ZC3H3: variants seen among roughly 807,000 people sequenced by gnomAD.
The protein encoded by ZC3H3 is zinc finger CCCH domain-containing protein 3.
ZC3H3 carries 36 observed loss-of-function variants against 77.3 expected under a neutral mutation model. The observed-to-expected ratio is 0.47, with a 90% CI of 0.36 to 0.61. The LOEUF is 0.61. Ranked by LOEUF, ZC3H3 falls within the 20% of genes least tolerant of loss-of-function variation. The probability of loss-of-function intolerance (pLI) is 0.00; values close to 1 mark genes in which losing one functional copy is unlikely to be tolerated. For missense variants in ZC3H3, 1,331 were observed against 1,312.2 expected, an observed-to-expected ratio of 1.01 and a Z score of -0.22; for synonymous variants, 626 against 555.2, an observed-to-expected ratio of 1.13 and a Z score of -1.79.
At chr8:143,485,078 C>T (rs1821015356) in intron 4 of ZC3H3, 1 of 269,000 alleles carries the variant, frequency 3.7e-6, no homozygotes, top group South Asian at 3.2e-5. Flanking sequence ...TTGGAACATA[C>T]AAAGAAGAGA....
intron 3 of ZC3H3, among the ~76,000 whole-genome samples, chr8:143,509,844 G>A (rs1156590157): frequency 6.6e-6 from 1 of 152,182 alleles, no homozygotes; most frequent in Non-Finnish European, 1.5e-5. Flanking sequence ...ACCTGGCCCA[G>A]CTCCATTCCC....
intron 3 of ZC3H3, among the ~76,000 whole-genome samples, chr8:143,527,113 T>C (rs115067709): frequency 0.018 from 2,812 of 152,306 alleles, 81 homozygotes; most frequent in African/African-American, 0.064. Context: ...CCTGGCTGCC[T>C]GGTGGGGGTT....
In ZC3H3 at chr8:143,539,064, GC is replaced by G. The variant is rs760469533; in HGVS notation, c.302del (p.Gly101AlafsTer102). On this transcript the variant is annotated frameshift_variant, in exon 2 of 12. Transcript: ENST00000262577. LOFTEE classifies it high-confidence loss of function. ...CATGCTGCTGCGGGACAGGAGGCTG[GC>G]CCCCCCGGGCCCCGTGCAACGGCCG... ...AVRPLHGARG[G>X]QPPVPQQHVL... is the part of the protein sequence containing the mutation. The G allele has an allele frequency of 3.1e-6, 5 of 1,612,860 alleles. No individual in the cohort carries two copies. The highest frequency in any genetic ancestry group is 4.5e-5 in the East Asian group (2 of 44,878).
Position 143,478,730 on chromosome 8 carries a change from G to C in ZC3H3, c.1716-3145C>G, listed in dbSNP as rs184497410. 3.9e-5 allele frequency among the ~76,000 whole-genome samples: 6 copies of C among 152,164 alleles called. 1 individual carries two copies. The highest frequency in any genetic ancestry group is 2.6e-4 in the Admixed American group (4 of 15,280). On this transcript the variant is annotated intron_variant, in intron 4 of 11. Coordinates refer to ENST00000262577, the MANE Select transcript of ZC3H3 (RefSeq NM_015117.3). ...TCACCCCATTGGCCAAGCTGGTCTC[G>C]AACTCCTGACCTCAGGTGATCTGAC...
intron 3 of ZC3H3, among the ~76,000 whole-genome samples, chr8:143,514,816 C>T (rs1317253796): frequency 3.9e-5 from 6 of 152,118 alleles, no homozygotes; most frequent in Non-Finnish European, 7.4e-5. Context: ...GGCCACGCTC[C>T]AAGGCCACTC....
At chr8:143,479,406 C>T (rs1034234905) in intron 4 of ZC3H3, among the ~76,000 whole-genome samples, 2 of 152,162 alleles carry the variant, frequency 1.3e-5, no homozygotes, top group African/African-American at 2.4e-5. Context: ...GCCAAGGACC[C>T]GGAGCGCGCG....
At chr8:143,518,332 C>A (rs760428026) in intron 3 of ZC3H3, among the ~76,000 whole-genome samples, 1 of 152,058 alleles carries the variant, frequency 6.6e-6, no homozygotes, top group Non-Finnish European at 1.5e-5. Context: ...AGATCTGGGG[C>A]CAACTGGCTG....
chr8:143,465,943 A>G, intron 8 of ZC3H3, 95 bp from the exon 9 acceptor site: 1 of 1,468,820 alleles, frequency 6.8e-7, no homozygotes, highest in South Asian at 1.3e-5. Context: ...CGCCCGAGAG[A>G]GAAATGGACA....
intron 4 of ZC3H3, among the ~76,000 whole-genome samples, chr8:143,499,459 T>G (rs973124658): frequency 6.6e-6 from 1 of 151,804 alleles, no homozygotes; most frequent in Admixed American, 6.6e-5. Context: ...CACCTAGACC[T>G]GCGCCCAGCC....
intron 4 of ZC3H3, among the ~76,000 whole-genome samples, chr8:143,495,085 G>A (rs1040718653): frequency 2.6e-5 from 4 of 152,170 alleles, no homozygotes; most frequent in Non-Finnish European, 5.9e-5. Flanking sequence ...GCGATCCCAC[G>A]CGCGACAGTC....
At chr8:143,504,735 A>AC (rs1358891790) in intron 4 of ZC3H3, among the ~76,000 whole-genome samples, 5 of 151,568 alleles carry the variant, frequency 3.3e-5, no homozygotes, top group Admixed American at 2.6e-4. Flanking sequence ...TCACACACAG[A>AC]CCCCCAGGGC....
At position 143,511,683 on chromosome 8, in the gene ZC3H3, C is replaced by T. The variant is rs527910292; in HGVS notation, c.1562-3784G>A. On this transcript the variant is annotated intron_variant, in intron 3 of 11. Coordinates refer to ENST00000262577, the MANE Select transcript of ZC3H3 (RefSeq NM_015117.3). ...GGTGGAGACCCAGAAGGCCTCTGACCGTGCCCCAGGCCAGCATCCACCAGC... is the reference window on the plus strand; with the variant it reads ...GGTGGAGACCCAGAAGGCCTCTGACTGTGCCCCAGGCCAGCATCCACCAGC... 5.9e-5 allele frequency among the ~76,000 whole-genome samples: 9 copies of T among 152,296 alleles called. No homozygotes were observed. The South Asian group carries it at 8.3e-4, about 14-fold the overall frequency.
chr8:143,521,520 T>A (rs1822242024), intron 3 of ZC3H3, among the ~76,000 whole-genome samples: 2 of 152,304 alleles, frequency 1.3e-5, no homozygotes, highest in South Asian at 4.1e-4. Flanking sequence ...ACATGGGGCA[T>A]CTGCTACTTG....
chr8:143,441,236 G>T (rs985902598), intron 9 of ZC3H3, 116 bp from the exon 10 acceptor site: 32 of 1,123,414 alleles, frequency 2.8e-5, no homozygotes, highest in Non-Finnish European at 3.5e-5. Context: ...CATAGGCTCC[G>T]TCCAAGTCTT....
At chr8:143,534,407 C>T (rs1355659352) in intron 3 of ZC3H3, among the ~76,000 whole-genome samples, 2 of 152,078 alleles carry the variant, frequency 1.3e-5, no homozygotes, top group Admixed American at 6.5e-5. Context: ...CAAACCCACT[C>T]TTCCTGGCAG....
chr8:143,503,955 C>G (rs937874258), intron 4 of ZC3H3, among the ~76,000 whole-genome samples: 1 of 152,290 alleles, frequency 6.6e-6, no homozygotes, highest in Non-Finnish European at 1.5e-5. Context: ...ACCACCAGGC[C>G]GACAGTAAGT....
chr8:143,495,775 T>C (rs1821330762), intron 4 of ZC3H3, among the ~76,000 whole-genome samples: 2 of 151,260 alleles, frequency 1.3e-5, no homozygotes, highest in Admixed American at 1.3e-4. Flanking sequence ...TTTTTTTTTT[T>C]TTTAACTGTA....
chr8:143,529,362 G>A (rs1448911724), intron 3 of ZC3H3, among the ~76,000 whole-genome samples: 2 of 152,190 alleles, frequency 1.3e-5, no homozygotes, highest in South Asian at 4.1e-4. Context: ...CACAGCACGG[G>A]CTGGGTGCAG....
At chr8:143,483,615 C>T (rs1313257219) in intron 4 of ZC3H3, among the ~76,000 whole-genome samples, 1 of 152,176 alleles carries the variant, frequency 6.6e-6, no homozygotes, top group African/African-American at 2.4e-5. Flanking sequence ...GGACCCTGCC[C>T]CCACGATCTC....
Sources: gnomAD v4.1 joint callset for allele counts (sites outside exome capture counted in the v4.1 genomes callset) on GRCh38, gnomAD v4.1.1 for gene constraint, MANE v1.5 for transcripts, NCBI Gene and HGNC (gene_info 2026-07-23, HGNC 2026-07-21) for gene names.